Variants in TSPAN9 observed in about 807,000 individuals in gnomAD.
TSPAN9 encodes tetraspanin 9.
In TSPAN9, 16 loss-of-function variants were observed where a neutral mutation model predicts 31.0. The observed-to-expected ratio is 0.52, with a 90% confidence interval of 0.35 to 0.78. The LOEUF (loss-of-function observed/expected upper bound fraction) is 0.78, where lower values mean the gene tolerates loss of function less well. Among genes scored for constraint, TSPAN9 ranks in the 30% least tolerant of loss-of-function variants. The pLI, the probability that TSPAN9 is intolerant of heterozygous loss-of-function variation, is 0.01. For missense variants in TSPAN9, 272 were observed against 312.5 expected, an observed-to-expected ratio of 0.87 and a Z score of 0.98; for synonymous variants, 145 against 121.6, an observed-to-expected ratio of 1.19 and a Z score of -1.27.
chr12:3,131,702 A>C (rs1238590230), intron 2 of TSPAN9, among the ~76,000 whole-genome samples: 1 of 152,188 alleles, frequency 6.6e-6, no homozygotes, highest in Non-Finnish European at 1.5e-5. Flanking sequence ...ATAGGCCCTC[A>C]GGTGTTTGTT....
chr12:3,260,832 G>C (rs979014600), intron 3 of TSPAN9, among the ~76,000 whole-genome samples: 3 of 152,190 alleles, frequency 2.0e-5, no homozygotes, highest in African/African-American at 2.4e-5. Context: ...TCCCAGAGTA[G>C]AGGCATCAGC....
chr12:3,122,042 A>G (rs906164871), intron 2 of TSPAN9, among the ~76,000 whole-genome samples: 1 of 152,108 alleles, frequency 6.6e-6, no homozygotes, highest in African/African-American at 2.4e-5. Context: ...TTGTCTTAAA[A>G]AGAGATAGAG....
At chr12:3,264,155 C>T (rs1045152489) in intron 3 of TSPAN9, among the ~76,000 whole-genome samples, 8 of 152,118 alleles carry the variant, frequency 5.3e-5, no homozygotes, top group African/African-American at 1.9e-4. Flanking sequence ...ACTTGGCTCA[C>T]CCGCCTCGAG....
At chr12:3,256,161 A>G (rs1163283323) in intron 3 of TSPAN9, among the ~76,000 whole-genome samples, 5 of 152,286 alleles carry the variant, frequency 3.3e-5, no homozygotes, top group African/African-American at 1.2e-4. Flanking sequence ...TGATGAAAGA[A>G]TGAGAAAGAG....
At chr12:3,090,814 G>T (rs932705984) in intron 2 of TSPAN9, among the ~76,000 whole-genome samples, 6 of 142,714 alleles carry the variant, frequency 4.2e-5, no homozygotes, top group African/African-American at 8.2e-5. Flanking sequence ...ATGAGGAATA[G>T]ACCCCACCGA....
At chr12:3,216,882 G>T (rs2098381695) in intron 3 of TSPAN9, among the ~76,000 whole-genome samples, 1 of 152,210 alleles carries the variant, frequency 6.6e-6, no homozygotes, top group Non-Finnish European at 1.5e-5. Context: ...GCTTTGGAGG[G>T]CTCTGAGGGC....
At chr12:3,267,668 T>TATGCTG (rs530875448) in intron 3 of TSPAN9, among the ~76,000 whole-genome samples, 42 of 152,240 alleles carry the variant, frequency 2.8e-4, no homozygotes, top group Admixed American at 1.1e-3. Flanking sequence ...AAGGAAAAAA[T>TATGCTG]ATGCTGGTGG....
At chr12:3,093,459 T>A (rs2098305985) in intron 2 of TSPAN9, among the ~76,000 whole-genome samples, 1 of 152,044 alleles carries the variant, frequency 6.6e-6, no homozygotes, top group Non-Finnish European at 1.5e-5. Flanking sequence ...CTCAGGTCTG[T>A]GGGGAGGGCA....
chr12:3,100,983 G>A (rs955938785), intron 2 of TSPAN9, among the ~76,000 whole-genome samples: 4 of 152,170 alleles, frequency 2.6e-5, no homozygotes, highest in African/African-American at 9.7e-5. Flanking sequence ...TACCATCCCG[G>A]GTGTGGAGCT....
chr12:3,238,351 C>T (rs2098394863), intron 3 of TSPAN9, among the ~76,000 whole-genome samples: 1 of 152,232 alleles, frequency 6.6e-6, no homozygotes, highest in South Asian at 2.1e-4. Flanking sequence ...AAGTCTTCTC[C>T]TGCCCCACCC....
intron 2 of TSPAN9, among the ~76,000 whole-genome samples, chr12:3,179,417 C>T (rs1232693627): frequency 6.6e-6 from 1 of 152,180 alleles, no homozygotes; most frequent in African/African-American, 2.4e-5. Context: ...CCATTCCTCT[C>T]ATTCTGCCCT....
intron 2 of TSPAN9, among the ~76,000 whole-genome samples, chr12:3,085,688 A>AG (rs2098300116): frequency 6.6e-6 from 1 of 152,110 alleles, no homozygotes; most frequent in South Asian, 2.1e-4. Context: ...ACAAAGCGGC[A>AG]GGTTGGGTGA....
chr12:3,202,274 G>C (rs541766157), intron 3 of TSPAN9, among the ~76,000 whole-genome samples: 1 of 152,330 alleles, frequency 6.6e-6, no homozygotes, highest in South Asian at 2.1e-4. Flanking sequence ...AGTCTGTCCT[G>C]CCCTCTGGAG....
intron 3 of TSPAN9, among the ~76,000 whole-genome samples, chr12:3,253,921 C>T (rs1042940923): frequency 1.3e-5 from 2 of 152,154 alleles, no homozygotes; most frequent in African/African-American, 4.8e-5. Flanking sequence ...TGCAGACTCT[C>T]GTGCAACAGG....
chr12:3,121,227 G>T (rs1241265434), intron 2 of TSPAN9, among the ~76,000 whole-genome samples: 1 of 152,118 alleles, frequency 6.6e-6, no homozygotes, highest in African/African-American at 2.4e-5. Context: ...CCCTCATTTT[G>T]CAGATCTCAG....
intron 2 of TSPAN9, among the ~76,000 whole-genome samples, chr12:3,154,514 T>C (rs2098341308): frequency 6.6e-6 from 1 of 152,232 alleles, no homozygotes. Context: ...ATCAACTTTA[T>C]GCAAGCCTGC....
intron 3 of TSPAN9, among the ~76,000 whole-genome samples, chr12:3,265,779 T>C (rs775557102): frequency 6.6e-6 from 1 of 152,154 alleles, no homozygotes; most frequent in African/African-American, 2.4e-5. Context: ...GAATCTTAGA[T>C]CTTTCTCAGG....
chr12:3,163,091 C>T (rs2098346307), intron 2 of TSPAN9, among the ~76,000 whole-genome samples: 1 of 152,216 alleles, frequency 6.6e-6, no homozygotes, highest in Non-Finnish European at 1.5e-5. Flanking sequence ...CAGAGCACTC[C>T]CATGCTTGTT....
At chr12:3,178,659 CTCT>C (rs2098357233) in intron 2 of TSPAN9, among the ~76,000 whole-genome samples, 1 of 152,236 alleles carries the variant, frequency 6.6e-6, no homozygotes, top group Non-Finnish European at 1.5e-5. Context: ...CCATAAACAT[CTCT>C]TCTTCCCTTT....
Sources: gnomAD v4.1 joint callset for allele counts (sites outside exome capture counted in the v4.1 genomes callset) on GRCh38, gnomAD v4.1.1 for gene constraint, MANE v1.5 for transcripts, NCBI Gene and HGNC (gene_info 2026-07-23, HGNC 2026-07-21) for gene names.